LYPLAL1: variants seen among roughly 807,000 people sequenced by gnomAD.
LYPLAL1 encodes lysophospholipase like 1.
In LYPLAL1, 23 loss-of-function variants were observed where a neutral mutation model predicts 19.7. The ratio of observed to expected loss-of-function variants is 1.17; its 90% confidence interval spans 0.84 to 1.65. The LOEUF (loss-of-function observed/expected upper bound fraction) is 1.65, where lower values mean the gene tolerates loss of function less well. Among genes scored for constraint, LYPLAL1 ranks in the 40% most tolerant of loss-of-function variants. The pLI is 0.00. For missense variants in LYPLAL1, 355 were observed against 279.4 expected (o/e 1.27, Z -1.93); for synonymous variants, 119 against 96.3 (o/e 1.24, Z -1.38).
chr1:219,179,623 A>G (rs945370621), intron 2 of LYPLAL1, among the ~76,000 whole-genome samples: 6 of 152,264 alleles, frequency 3.9e-5, no homozygotes, highest in African/African-American at 1.4e-4. Flanking sequence ...TAGTTAAGCC[A>G]GAATTCATAA....
At chr1:219,226,917 T>G in the LYPLAL1 span, among the ~76,000 whole-genome samples, 4 of 152,328 alleles carry the variant, frequency 2.6e-5, no homozygotes, top group South Asian at 8.3e-4. Flanking sequence ...CTTCATTAAG[T>G]TACTTGCAAA....
At chr1:219,210,286 A>G (rs966163025) in intron 3 of LYPLAL1, 2 of 235,788 alleles carry the variant, frequency 8.5e-6, no homozygotes, top group African/African-American at 4.5e-5. Flanking sequence ...CTTGGTGAAC[A>G]TGATATATTT....
At chr1:219,370,255 C>T in the LYPLAL1 span, among the ~76,000 whole-genome samples, 1 of 152,188 alleles carries the variant, frequency 6.6e-6, no homozygotes, top group African/African-American at 2.4e-5. Context: ...CCATTTATTT[C>T]ACCCTGCTCT....
chr1:219,319,631 C>T, the LYPLAL1 span, among the ~76,000 whole-genome samples: 2 of 152,198 alleles, frequency 1.3e-5, no homozygotes, highest in Admixed American at 1.3e-4. Flanking sequence ...ATGTGCTTCA[C>T]AGGGTCCCAG....
At chr1:219,357,291 C>T in the LYPLAL1 span, among the ~76,000 whole-genome samples, 4 of 152,096 alleles carry the variant, frequency 2.6e-5, no homozygotes, top group African/African-American at 4.8e-5. Flanking sequence ...TTAAGACAAA[C>T]GTTGTACTTC....
At chr1:219,294,334 C>T in the LYPLAL1 span, among the ~76,000 whole-genome samples, 1 of 152,202 alleles carries the variant, frequency 6.6e-6, no homozygotes, top group South Asian at 2.1e-4. Context: ...ATGTCACTCA[C>T]ATCTGCCCTC....
the LYPLAL1 span, among the ~76,000 whole-genome samples, chr1:219,270,357 G>A: frequency 6.6e-6 from 1 of 152,248 alleles, no homozygotes; most frequent in Non-Finnish European, 1.5e-5. Context: ...TGCTTTTGCA[G>A]TGAAATACAG....
chr1:219,420,793 A>G, the LYPLAL1 span, among the ~76,000 whole-genome samples: 1 of 152,196 alleles, frequency 6.6e-6, no homozygotes, highest in African/African-American at 2.4e-5. Context: ...GGCATCTTTT[A>G]AAATTTTTTT....
intron 2 of LYPLAL1, 109 bp from the exon 3 acceptor site, chr1:219,192,973 A>C (rs1333734662): frequency 8.7e-7 from 1 of 1,152,494 alleles, no homozygotes; most frequent in South Asian, 1.8e-5. Flanking sequence ...AAAACTTAGA[A>C]GAAATTGAAA....
At chr1:219,179,344 A>G (rs1054701370) in intron 2 of LYPLAL1, 98 bp downstream of exon 2, 2 of 856,046 alleles carry the variant, frequency 2.3e-6, no homozygotes, top group South Asian at 3.2e-5. Context: ...TTAATTTTGT[A>G]TTTAACATAC....
the LYPLAL1 span, among the ~76,000 whole-genome samples, chr1:219,234,970 T>C: frequency 7.0e-6 from 1 of 142,342 alleles, no homozygotes; most frequent in Admixed American, 6.8e-5. Context: ...GAAATAAGAA[T>C]ATGACAACAA....
the LYPLAL1 span, among the ~76,000 whole-genome samples, chr1:219,371,251 A>G: frequency 1.3e-5 from 2 of 152,174 alleles, no homozygotes; most frequent in African/African-American, 4.8e-5. Flanking sequence ...CATAGATCCC[A>G]GTTGTTTGCT....
chr1:219,398,918 C>A, the LYPLAL1 span, among the ~76,000 whole-genome samples: 1 of 152,204 alleles, frequency 6.6e-6, no homozygotes, highest in Non-Finnish European at 1.5e-5. Flanking sequence ...TAGGAATCCA[C>A]TGTGCTGAGT....
At chr1:219,331,304 C>A in the LYPLAL1 span, among the ~76,000 whole-genome samples, 2 of 152,142 alleles carry the variant, frequency 1.3e-5, no homozygotes, top group African/African-American at 2.4e-5. Flanking sequence ...ATTATTACCA[C>A]AATAATGTCG....
At chr1:219,332,768 G>A in the LYPLAL1 span, among the ~76,000 whole-genome samples, 2 of 147,878 alleles carry the variant, frequency 1.4e-5, no homozygotes, top group Non-Finnish European at 3.0e-5. Context: ...AAAACCTATA[G>A]ATAGATTATC....
chr1:219,390,602 C>T, the LYPLAL1 span, among the ~76,000 whole-genome samples: 2 of 152,158 alleles, frequency 1.3e-5, no homozygotes, highest in African/African-American at 4.8e-5. Context: ...CCTTTGATCC[C>T]GTTCAGCATC....
the LYPLAL1 span, among the ~76,000 whole-genome samples, chr1:219,221,122 C>G: frequency 6.6e-6 from 1 of 152,154 alleles, no homozygotes; most frequent in Non-Finnish European, 1.5e-5. Context: ...TATTATTTGC[C>G]AGAGCTGTGA....
chr1:219,377,454 T>C, the LYPLAL1 span, among the ~76,000 whole-genome samples: 29 of 152,220 alleles, frequency 1.9e-4, no homozygotes, highest in Non-Finnish European at 3.7e-4. Flanking sequence ...TTAATGTCAC[T>C]GAACTAGATA....
At chr1:219,341,347 G>A in the LYPLAL1 span, among the ~76,000 whole-genome samples, 11 of 152,046 alleles carry the variant, frequency 7.2e-5, no homozygotes, top group Non-Finnish European at 1.3e-4. Context: ...TGTACTTGCA[G>A]TATACCCACA....
Sources: gnomAD v4.1 joint callset for allele counts (sites outside exome capture counted in the v4.1 genomes callset) on GRCh38, gnomAD v4.1.1 for gene constraint, MANE v1.5 for transcripts, NCBI Gene and HGNC (gene_info 2026-07-23, HGNC 2026-07-21) for gene names.